The following TNFAIP6 variants were observed in gnomAD, a reference collection of about 807,000 sequenced individuals.
TNFAIP6 encodes tumor necrosis factor-inducible gene 6 protein.
Under a neutral mutation model 33.7 loss-of-function variants are expected in TNFAIP6, and 36 were observed. That is an observed-to-expected ratio of 1.07 (90% confidence interval 0.82 to 1.41). The LOEUF (loss-of-function observed/expected upper bound fraction) is 1.41, where lower values mean the gene tolerates loss of function less well. Among genes scored for constraint, TNFAIP6 ranks in the 40% most tolerant of loss-of-function variants. The pLI, the probability that TNFAIP6 is intolerant of heterozygous loss-of-function variation, is 0.00. For missense variants in TNFAIP6, 273 were observed against 331.9 expected (o/e 0.82, Z 1.38); for synonymous variants, 113 against 112.8 (o/e 1.00, Z -0.01).
At chr2:151,360,233 C>T (rs1229378292) in intron 1 of TNFAIP6, among the ~76,000 whole-genome samples, 7 of 151,976 alleles carry the variant, frequency 4.6e-5, no homozygotes, top group African/African-American at 1.5e-4. Context: ...AAGAGGCAGA[C>T]GTTGCAGTGA....
chr2:151,370,202 G>A lies in TNFAIP6; in HGVS notation c.577G>A (p.Val193Ile). 6.2e-7 allele frequency: 1 copy of A among 1,614,120 alleles called. No homozygotes were observed. ...TGACCCAGGTTGCTTGGCTGATTATGTTGAAATATATGACAGTTACGATGA... is the reference window on the plus strand; with the variant it reads ...TGACCCAGGTTGCTTGGCTGATTATATTGAAATATATGACAGTTACGATGA... ...EDDPGCLADY[V>I]EIYDSYDDVH... Residue 193 changes from valine to isoleucine, a missense_variant, in exon 4 of 6, where the codon GTT becomes ATT. Physicochemically the swap from Val to Ile is conservative, Grantham distance 29. Coordinates refer to ENST00000243347, the MANE Select transcript of TNFAIP6 (RefSeq NM_007115.4).
At chr2:151,366,033 C>T (rs1236175416) in intron 2 of TNFAIP6, 23 bp from the exon 3 acceptor site, 1 of 1,613,098 alleles carries the variant, frequency 6.2e-7, no homozygotes, top group Admixed American at 1.7e-5. Context: ...CTGTTTAGTC[C>T]ATAACTCTTT....
At chr2:151,377,465 G>A (rs1354988646) in intron 5 of TNFAIP6, among the ~76,000 whole-genome samples, 1 of 127,750 alleles carries the variant, frequency 7.8e-6, no homozygotes, top group South Asian at 3.0e-4. Context: ...CACCGTGCCC[G>A]GCCATTTTTG....
chr2:151,372,428 C>T (rs1042537907), intron 4 of TNFAIP6: 2 of 151,924 alleles, frequency 1.3e-5, no homozygotes, highest in East Asian at 1.9e-4. Context: ...CCTGTAAAAC[C>T]CTTACCTTTT....
At position 151,364,022 on chromosome 2, in the gene TNFAIP6, T is replaced by G; in HGVS notation, c.174T>G (p.Cys58Trp). The G allele has an allele frequency of 6.2e-7, 1 of 1,613,998 alleles. No homozygotes were observed. The highest frequency in any genetic ancestry group is 8.5e-7 in the Non-Finnish European group (1 of 1,179,976). ...CCTACGCAGAAGCTAAGGCGGTGTG[T>G]GAATTTGAAGGCGGCCATCTCGCAA... ...KLTYAEAKAV[C>W]EFEGGHLATY... is the part of the protein sequence containing the mutation. The change falls in exon 2 of 6, where the codon TGT becomes TGG. Residue 58 changes from cysteine to tryptophan, a missense_variant. Cys to Trp is a radical substitution (Grantham distance 215). Transcript: ENST00000243347.
chr2:151,370,897 C>G (rs1480091351), intron 4 of TNFAIP6, among the ~76,000 whole-genome samples: 2 of 152,204 alleles, frequency 1.3e-5, no homozygotes, highest in South Asian at 2.1e-4. Context: ...ATGGCAAAAC[C>G]CTGTTTTTAC....
chr2:151,365,311 C>G (rs1412632551), intron 2 of TNFAIP6, among the ~76,000 whole-genome samples: 4 of 152,020 alleles, frequency 2.6e-5, no homozygotes, highest in African/African-American at 9.7e-5. Context: ...CCACTGCACT[C>G]TAGCCTGGAT....
intron 1 of TNFAIP6, among the ~76,000 whole-genome samples, chr2:151,362,772 G>A (rs1373786706): frequency 3.3e-5 from 5 of 152,056 alleles, no homozygotes; most frequent in Non-Finnish European, 5.9e-5. Flanking sequence ...TTATAGGCGT[G>A]AGCCACCACG....
At chr2:151,379,291 AAG>A in intron 5 of TNFAIP6, 71 bp from the exon 6 acceptor site, 1 of 1,325,746 alleles carries the variant, frequency 7.5e-7, no homozygotes, top group Non-Finnish European at 1.0e-6. Flanking sequence ...TATGAGAATG[AAG>A]AGTCTTTGAA....
At chr2:151,364,227 T>C in intron 2 of TNFAIP6, 147 bp downstream of exon 2, 3 of 1,038,744 alleles carry the variant, frequency 2.9e-6, no homozygotes, top group East Asian at 2.6e-5. Flanking sequence ...TGACTTCTCC[T>C]ATCCATCTGC....
chr2:151,369,887 C>A, intron 3 of TNFAIP6, 133 bp from the exon 4 acceptor site: 1 of 644,872 alleles, frequency 1.6e-6, no homozygotes, highest in Middle Eastern at 3.8e-4. Flanking sequence ...ACATAATATA[C>A]CATAGATGCT....
chr2:151,362,448 C>A (rs1195049094), intron 1 of TNFAIP6, among the ~76,000 whole-genome samples: 1 of 100,402 alleles, frequency 1.0e-5, no homozygotes, highest in East Asian at 2.9e-4. Flanking sequence ...CCCTTCAGAT[C>A]TTTCCTCAGT....
At chr2:151,369,958 A>G in intron 3 of TNFAIP6, 62 bp from the exon 4 acceptor site, 1 of 1,265,036 alleles carries the variant, frequency 7.9e-7, no homozygotes, top group Non-Finnish European at 1.1e-6. Context: ...TGTCATTTTT[A>G]ACAGGGATAA....
At chr2:151,377,319 G>A (rs1186001163) in intron 5 of TNFAIP6, among the ~76,000 whole-genome samples, 2 of 151,850 alleles carry the variant, frequency 1.3e-5, no homozygotes, top group Non-Finnish European at 2.9e-5. Context: ...ACAGGCACCC[G>A]CCACCACGCC....
chr2:151,366,096 A>G lies in TNFAIP6; in HGVS notation c.273A>G (p.Arg91=). The G allele has an allele frequency of 8.7e-6, 14 of 1,614,186 alleles. No individual in the cohort carries two copies. The highest frequency in any genetic ancestry group is 1.7e-5 in the Admixed American group (1 of 60,018). Residue 91 remains arginine, a synonymous_variant, in exon 3 of 6, where the codon AGA becomes AGG. Coordinates refer to ENST00000243347, the MANE Select transcript of TNFAIP6 (RefSeq NM_007115.4). ...VCAAGWMAKG[R]VGYPIVKPGP... ...CTGCTGGATGGATGGCTAAGGGCAG[A>G]GTTGGATACCCCATTGTGAAGCCAG...
chr2:151,363,097 CTT>C (rs1457531930), intron 1 of TNFAIP6, among the ~76,000 whole-genome samples: 8 of 150,136 alleles, frequency 5.3e-5, no homozygotes, highest in East Asian at 2.0e-4. Context: ...AGGTGGATCA[CTT>C]GAGGTCAGGA....
In TNFAIP6 at chr2:151,363,988, A is replaced by G. The variant is rs1486636427; in HGVS notation, c.140A>G (p.Tyr47Cys). Residue 47 changes from tyrosine to cysteine, a missense_variant, in exon 2 of 6, where the codon TAC becomes TGC. Transcript: ENST00000243347. ...VYHREARSGK[Y>C]KLTYAEAKAV... Reference sequence around the variant, plus strand: ...CACAGAGAAGCACGGTCTGGCAAATACAAGCTCACCTACGCAGAAGCTAAG... The same window carrying G: ...CACAGAGAAGCACGGTCTGGCAAATGCAAGCTCACCTACGCAGAAGCTAAG... 1 of 1,614,188 alleles carries G rather than the reference A, an allele frequency of 6.2e-7. No individual in the cohort carries two copies.
intron 5 of TNFAIP6, among the ~76,000 whole-genome samples, chr2:151,378,871 G>A (rs530262323): frequency 2.6e-5 from 4 of 152,014 alleles, no homozygotes; most frequent in South Asian, 4.1e-4. Context: ...GCCGAGGTGC[G>A]TGGACCACCT....
At chr2:151,371,464 C>T (rs1054260724) in intron 4 of TNFAIP6, among the ~76,000 whole-genome samples, 1 of 152,108 alleles carries the variant, frequency 6.6e-6, no homozygotes, top group Non-Finnish European at 1.5e-5. Context: ...CAAACTCAAT[C>T]CCTTTTTATG....
Sources: allele counts gnomAD v4.1 joint callset (sites outside exome capture counted in the v4.1 genomes callset), GRCh38; gene constraint gnomAD v4.1.1; transcripts MANE v1.5; gene names NCBI Gene and HGNC (gene_info 2026-07-23, HGNC 2026-07-21).